FBLN2: variants seen among roughly 807,000 people sequenced by gnomAD.
FBLN2 encodes fibulin 2.
FBLN2 carries 81 observed loss-of-function variants against 123.7 expected under a neutral mutation model. That is an observed-to-expected ratio of 0.65 (90% CI 0.55 to 0.79). The LOEUF (loss-of-function observed/expected upper bound fraction) is 0.79. Ranked by LOEUF, FBLN2 falls within the 30% of genes least tolerant of loss-of-function variation. The pLI, the probability that FBLN2 is intolerant of heterozygous loss-of-function variation, is 0.00. For synonymous variants in FBLN2, 699 were observed against 701.4 expected (o/e 1.00, Z 0.05); for missense variants, 1,603 against 1,681.3 (o/e 0.95, Z 0.81).
chr3:13,597,750 C>T (rs1031118193), intron 2 of FBLN2, among the ~76,000 whole-genome samples: 2 of 152,232 alleles, frequency 1.3e-5, no homozygotes, highest in African/African-American at 4.8e-5. Flanking sequence ...AGTGGACCTG[C>T]TCTGTGCCAC....
In FBLN2 at chr3:13,609,535, G is replaced by T; in HGVS notation, c.1441G>T (p.Val481Phe). ...CAGGACAGCCCAGAGGCACTGCTGTGTCTCCTACTTGCAGGAGAAGAGCTG... is the reference window on the plus strand; with the variant it reads ...CAGGACAGCCCAGAGGCACTGCTGTTTCTCCTACTTGCAGGAGAAGAGCTG... ...VCRTAQRHCC[V>F]SYLQEKSCMA... is the part of the protein sequence containing the mutation. The change falls in exon 4 of 18, where the codon GTC (valine) becomes TTC (phenylalanine). Residue 481 changes from valine to phenylalanine, a missense_variant. Val to Phe is a conservative substitution (Grantham distance 50). Transcript: ENST00000404922. The T allele has an allele frequency of 6.4e-7, 1 of 1,551,360 alleles. No individual in the cohort carries two copies. The highest frequency in any genetic ancestry group is 8.7e-7 in the Non-Finnish European group (1 of 1,147,042).
intron 1 of FBLN2, among the ~76,000 whole-genome samples, chr3:13,555,754 C>T (rs1312239378): frequency 2.0e-5 from 3 of 152,198 alleles, no homozygotes; most frequent in Non-Finnish European, 2.9e-5. Context: ...GTGCCCAGCA[C>T]CCTGGTTTTT....
intron 2 of FBLN2, among the ~76,000 whole-genome samples, chr3:13,591,601 C>T (rs1704677106): frequency 6.6e-6 from 1 of 152,162 alleles, no homozygotes; most frequent in Non-Finnish European, 1.5e-5. Flanking sequence ...GTTTTCTGGC[C>T]TCTTTTTTCT....
chr3:13,627,847 C>A lies in FBLN2; in HGVS notation c.2447C>A (p.Ala816Glu). The change falls in exon 11 of 18, where the codon GCG (alanine) becomes GAG (glutamate). Residue 816 changes from alanine (A) to glutamate (E), a missense_variant. Physicochemically the swap from Ala to Glu is moderately radical, Grantham distance 107. Transcript: ENST00000404922. Reference protein sequence around the residue: ...DGECEDVDECAMGTHTCQPGF... With the variant: ...DGECEDVDECEMGTHTCQPGF... ...TCCGCTGCAGACGTGGATGAGTGTGCGATGGGCACGCACACCTGCCAGCCG... is the reference window on the plus strand; with the variant it reads ...TCCGCTGCAGACGTGGATGAGTGTGAGATGGGCACGCACACCTGCCAGCCG... The A allele has an allele frequency of 6.2e-7, 1 of 1,613,022 alleles. No homozygotes were observed. Among genetic ancestry groups the A allele is most frequent in the Non-Finnish European group, 8.5e-7 (1 of 1,179,574 alleles).
intron 1 of FBLN2, 113 bp from the exon 2 acceptor site, chr3:13,570,202 G>T: frequency 8.7e-7 from 1 of 1,155,004 alleles, no homozygotes; most frequent in South Asian, 1.7e-5. Context: ...CTGGGGATGA[G>T]CGCATGCGTG....
intron 2 of FBLN2, among the ~76,000 whole-genome samples, chr3:13,579,116 G>A (rs1485185030): frequency 2.0e-5 from 3 of 152,164 alleles, no homozygotes; most frequent in African/African-American, 7.2e-5. Context: ...CATTCCCACC[G>A]GCAGTGCACA....
intron 2 of FBLN2, among the ~76,000 whole-genome samples, chr3:13,584,928 G>A (rs548856599): frequency 5.3e-4 from 81 of 152,356 alleles, no homozygotes; most frequent in African/African-American, 1.9e-3. Flanking sequence ...GGAGCTCAGG[G>A]CACAGGTCTA....
In FBLN2 at chr3:13,549,224, C is replaced by G; in HGVS notation, c.-42+16C>G. 3.1e-6 allele frequency: 3 copies of G among 983,454 alleles called. No individual in the cohort carries two copies. The highest frequency in any genetic ancestry group is 3.6e-6 in the Non-Finnish European group (3 of 829,040). 60.9% of individuals were successfully genotyped at this position (983,454 alleles called of 1,614,324 possible). A position where few individuals can be genotyped will look rare whatever the true frequency, so the allele number is the denominator to read the frequency against. Reference sequence around the variant, plus strand: ...GTGCCCCGCGGTGAGTGCACGCGGCCCCTCCCGCCCGGACTCATCCCCGTC... The same window carrying G: ...GTGCCCCGCGGTGAGTGCACGCGGCGCCTCCCGCCCGGACTCATCCCCGTC... On this transcript the variant is annotated intron_variant, in intron 1 of 17. Transcript: ENST00000404922.
At chr3:13,569,317 C>T (rs1454329024) in intron 1 of FBLN2, among the ~76,000 whole-genome samples, 1 of 152,024 alleles carries the variant, frequency 6.6e-6, no homozygotes, top group Admixed American at 6.6e-5. Flanking sequence ...CCTTTCCTTT[C>T]TGGCCATGGG....
chr3:13,619,878 C>G, intron 8 of FBLN2, 47 bp downstream of exon 8: 3 of 1,499,632 alleles, frequency 2.0e-6, no homozygotes, highest in Non-Finnish European at 2.7e-6. Context: ...CTGAGTTGGC[C>G]TGTGATGGGG....
intron 2 of FBLN2, 22 bp from the exon 3 acceptor site, chr3:13,608,040 T>C (rs1387984320): frequency 1.3e-6 from 2 of 1,549,614 alleles, no homozygotes; most frequent in African/African-American, 2.7e-5. Flanking sequence ...ATGGTGACTC[T>C]GCCTCATGTT....
intron 16 of FBLN2, among the ~76,000 whole-genome samples, chr3:13,632,619 G>T (rs1706295072): frequency 6.6e-6 from 1 of 152,202 alleles, no homozygotes; most frequent in African/African-American, 2.4e-5. Context: ...GTGGCATGGG[G>T]CAGGTCAGAG....
chr3:13,573,894 CAAAAAA>C (rs34768387), intron 2 of FBLN2, among the ~76,000 whole-genome samples: 2 of 72,934 alleles, frequency 2.7e-5, no homozygotes, highest in Admixed American at 1.5e-4. Flanking sequence ...GAGTGAAACT[CAAAAAA>C]AAAAAAAAAA....
At chr3:13,621,586 CTG>C (rs373750658) in intron 8 of FBLN2, among the ~76,000 whole-genome samples, 187 bp from the exon 9 acceptor site, 12 of 152,318 alleles carry the variant, frequency 7.9e-5, no homozygotes, top group Non-Finnish European at 1.5e-4. Flanking sequence ...ACCGTCCTTA[CTG>C]GGGCAGTGGG....
chr3:13,566,028 C>T (rs576837945), intron 1 of FBLN2, among the ~76,000 whole-genome samples: 102 of 152,336 alleles, frequency 6.7e-4, no homozygotes, highest in African/African-American at 2.2e-3. Flanking sequence ...TTGTTTCTTG[C>T]GTCCCCACCC....
intron 2 of FBLN2, among the ~76,000 whole-genome samples, chr3:13,594,661 A>G (rs72624453): frequency 0.082 from 12,484 of 152,198 alleles, 680 homozygotes; most frequent in East Asian, 0.25. Context: ...GGGGAGCCCT[A>G]GCCCCCGACC....
chr3:13,564,217 G>T lies in FBLN2; in HGVS notation c.-41-6098G>T, dbSNP rs1053291039. Among the ~76,000 whole-genome samples the T allele has an allele frequency of 3.3e-5, 5 of 152,210 alleles. No homozygotes were observed. The East Asian group carries it at 9.7e-4, about 29-fold the overall frequency. On this transcript the variant is annotated intron_variant, in intron 1 of 17. Transcript: ENST00000404922. The stretch of plus-strand genomic sequence containing the variant: ...TCTCTGCTTGGACTTGGGCCCGGGG[G>T]CAGCCGTGTGGGCACAGCCAGCGGG...
At chr3:13,617,143 A>C (rs62233000) in intron 5 of FBLN2, among the ~76,000 whole-genome samples, 28,778 of 134,588 alleles carry the variant, frequency 0.21, 3,173 homozygotes, top group African/African-American at 0.44. Flanking sequence ...TCCATTCATC[A>C]ATCCATCCAT....
Position 13,630,733 on chromosome 3 carries a change from G to T in FBLN2, c.3003G>T (p.Gln1001His). 1 of 1,609,678 alleles carries T rather than the reference G, an allele frequency of 6.2e-7. No individual in the cohort carries two copies. Among genetic ancestry groups the T allele is most frequent in the Non-Finnish European group, 8.5e-7 (1 of 1,178,310 alleles). The change falls in exon 15 of 18, where the codon CAG becomes CAT. Residue 1001 changes from glutamine (Q) to histidine (H), a missense_variant. By Grantham distance (24) the Gln-to-His change is conservative. Coordinates refer to ENST00000404922, the MANE Select transcript of FBLN2 (RefSeq NM_001004019.2). ...VNECEAQRCS[Q>H]ECANIYGSYQ... ...AGTGTGAGGCCCAGCGCTGCAGCCA[G>T]GAGTGTGCCAACATCTATGGCTCCT...
Sources: allele counts gnomAD v4.1 joint callset (sites outside exome capture counted in the v4.1 genomes callset), GRCh38; gene constraint gnomAD v4.1.1; transcripts MANE v1.5; gene names NCBI Gene and HGNC (gene_info 2026-07-23, HGNC 2026-07-21).